Variants in MBP observed in about 807,000 individuals in gnomAD.
MBP encodes the protein Golli-MBP.
MBP carries 16 observed loss-of-function variants against 35.8 expected under a neutral mutation model. The observed-to-expected ratio is 0.45, with a 90% CI of 0.30 to 0.68. The LOEUF (loss-of-function observed/expected upper bound fraction) is 0.68, where lower values mean the gene tolerates loss of function less well. Ranked by LOEUF, MBP falls within the 30% of genes least tolerant of loss-of-function variation. The pLI, the probability that MBP is intolerant of heterozygous loss-of-function variation, is 0.08. For synonymous variants in MBP, 143 were observed against 159.6 expected, an observed-to-expected ratio of 0.90 and a Z score of 0.78; for missense variants, 380 against 404.7, an observed-to-expected ratio of 0.94 and a Z score of 0.52.
At chr18:76,993,535 G>C (rs1237629556) in intron 4 of MBP, among the ~76,000 whole-genome samples, 2 of 144,224 alleles carry the variant, frequency 1.4e-5, no homozygotes, top group African/African-American at 5.1e-5. Context: ...GGGCGACAGA[G>C]CGAGACTTTG....
intron 2 of MBP, among the ~76,000 whole-genome samples, chr18:77,092,832 C>G (rs1287910791): frequency 6.6e-6 from 1 of 152,308 alleles, no homozygotes; most frequent in East Asian, 1.9e-4. Flanking sequence ...CTCCCCTGAC[C>G]CCCGTTACAG....
chr18:76,985,241 C>T (rs768377832), intron 7 of MBP: 3 of 1,367,998 alleles, frequency 2.2e-6, no homozygotes, highest in South Asian at 2.3e-5. Context: ...GATTAGCAAA[C>T]ATCAAGCAAA....
intron 4 of MBP, chr18:77,004,808 C>T (rs1970837637): frequency 2.0e-5 from 3 of 152,334 alleles, no homozygotes; most frequent in South Asian, 4.1e-4. Flanking sequence ...GAAGGATCAG[C>T]GTTTCTCCTC....
Position 76,989,874 on chromosome 18 carries a change from A to G in MBP, c.681+82T>C. The stretch of plus-strand genomic sequence containing the variant: ...CCCGGTGCCACCCCCGAGCGTACGA[A>G]CGTCCTGTGTGGATGACAGCAGTGG... On this transcript the variant is annotated intron_variant, in intron 5 of 8. Coordinates refer to ENST00000355994, the MANE Select transcript of MBP (RefSeq NM_001025101.2). This position sits in a 1 kb window ranked among gnomAD's most constrained non-coding sequence, Gnocchi z 4.0. 2 of 1,256,432 alleles carry G rather than the reference A, an allele frequency of 1.6e-6. No individual in the cohort carries two copies. The highest frequency in any genetic ancestry group is 1.2e-6 in the Non-Finnish European group (1 of 858,866). 77.8% of individuals were successfully genotyped at this position (1,256,432 alleles called of 1,614,324 possible). A position where few individuals can be genotyped will look rare whatever the true frequency, so the allele number is the denominator to read the frequency against.
chr18:76,983,644 T>C (rs1969349274), intron 8 of MBP: 1 of 152,238 alleles, frequency 6.6e-6, no homozygotes, highest in Admixed American at 6.5e-5. Flanking sequence ...TACTCCCTGC[T>C]CACTTCACAT....
chr18:77,097,924 C>T (rs1213998926), intron 2 of MBP, among the ~76,000 whole-genome samples: 1 of 151,274 alleles, frequency 6.6e-6, no homozygotes. Flanking sequence ...TAAAAAAATA[C>T]AGTATTTAAA....
chr18:77,100,258 CAG>C lies in MBP; in HGVS notation c.51+4951_51+4952del, dbSNP rs565597601. Among the ~76,000 whole-genome samples, 302 of 152,292 alleles carry C rather than the reference CAG, an allele frequency of 2.0e-3. 1 individual carries two copies. Among genetic ancestry groups the C allele is most frequent in the African/African-American group, 7.0e-3 (291 of 41,560 alleles). On this transcript the variant is annotated intron_variant, in intron 2 of 8. Coordinates refer to ENST00000355994, the MANE Select transcript of MBP (RefSeq NM_001025101.2). ...ACAGAGAGACGACCACTGGAGGACA[CAG>C]AGAGAAGATGCTTTCTACAAGCCAA... is the stretch of plus-strand genomic sequence containing the variant.
At chr18:77,085,307 A>G (rs985396262) in intron 2 of MBP, among the ~76,000 whole-genome samples, 16 of 152,254 alleles carry the variant, frequency 1.1e-4, no homozygotes, top group African/African-American at 3.6e-4. Context: ...GCAATAGGTC[A>G]AATATACAAA....
chr18:77,096,891 AAAT>A (rs757940423), intron 2 of MBP, among the ~76,000 whole-genome samples: 9 of 152,250 alleles, frequency 5.9e-5, no homozygotes, highest in Non-Finnish European at 1.0e-4. Context: ...TGAGAAAAAG[AAAT>A]AATAAGGTTT....
In MBP at chr18:77,017,034, G is replaced by A; in HGVS notation, c.374C>T (p.Ala125Val). The A allele has an allele frequency of 1.2e-6, 2 of 1,614,146 alleles. No homozygotes were observed. Among genetic ancestry groups the A allele is most frequent in the Non-Finnish European group, 1.7e-6 (2 of 1,180,032 alleles). The change falls in exon 4 of 9, where the codon GCA becomes GTA. Residue 125 changes from alanine to valine, a missense_variant. Coordinates refer to ENST00000355994, the MANE Select transcript of MBP (RefSeq NM_001025101.2). ...CACATCCAGGCTCTCGGAGGTGGCT[G>A]CACTGTCTTCTTGGATGGTCTGGAG... ...DELQTIQEDS[A>V]ATSESLDVMA... is the part of the protein sequence containing the mutation.
At chr18:77,123,817 G>A (rs901572239) in intron 1 of MBP, among the ~76,000 whole-genome samples, 1 of 152,186 alleles carries the variant, frequency 6.6e-6, no homozygotes, top group African/African-American at 2.4e-5. Flanking sequence ...AACTGATCCA[G>A]GTAGCTTTGT....
intron 3 of MBP, 88 bp downstream of exon 3, chr18:77,066,210 A>G (rs748063376): frequency 3.3e-6 from 3 of 917,222 alleles, no homozygotes; most frequent in Non-Finnish European, 5.4e-6. Flanking sequence ...CACCCATGCA[A>G]TAAAAAAATC....
In MBP at chr18:77,101,474, C is replaced by T. The variant is rs139491601; in HGVS notation, c.51+3737G>A. Among the ~76,000 whole-genome samples, 153 of 152,286 alleles carry T rather than the reference C, an allele frequency of 1.0e-3. No individual in the cohort carries two copies. Among genetic ancestry groups the T allele is most frequent in the South Asian group, 4.4e-3 (21 of 4,824 alleles). On this transcript the variant is annotated intron_variant, in intron 2 of 8. Transcript: ENST00000355994. This position sits in a 1 kb window ranked among gnomAD's most constrained non-coding sequence, Gnocchi z 4.3. ...TGCCTGGAGGAAGTTACACTCCATC[C>T]GCATGAGTGAATCATGAGTCAGGAG...
rs1969510787 is a variant in MBP, at chr18:76,985,659, C to T, written c.751-765G>A. 7 of 1,054,390 alleles carry T rather than the reference C, an allele frequency of 6.6e-6. No individual in the cohort carries two copies. The African/African-American group carries it at 8.5e-5, about 13-fold the overall frequency. The allele number at this position is 1,054,390 out of a possible 1,614,324, so 65.3% of individuals were successfully genotyped here. A position where few individuals can be genotyped will look rare whatever the true frequency, so the allele number is the denominator to read the frequency against. On this transcript the variant is annotated intron_variant, in intron 7 of 8. Transcript: ENST00000355994. ...CCGCATCCTGGCAGCAGCGGGACAGCGTCTCAGCTCCCCCACCTCCCAGTC... is the reference window on the plus strand; with the variant it reads ...CCGCATCCTGGCAGCAGCGGGACAGTGTCTCAGCTCCCCCACCTCCCAGTC...
chr18:77,121,629 G>A (rs898777245), intron 1 of MBP, among the ~76,000 whole-genome samples: 1 of 152,202 alleles, frequency 6.6e-6, no homozygotes, highest in Non-Finnish European at 1.5e-5. Context: ...CAGAATAAAA[G>A]AGTCATCATC....
intron 2 of MBP, among the ~76,000 whole-genome samples, chr18:77,091,677 C>T (rs1048793241): frequency 3.3e-5 from 5 of 150,182 alleles, no homozygotes; most frequent in African/African-American, 1.2e-4. Flanking sequence ...CGTGAACACA[C>T]ATGTATACAC....
At chr18:77,086,000 G>A (rs1326842497) in intron 2 of MBP, among the ~76,000 whole-genome samples, 1 of 148,066 alleles carries the variant, frequency 6.8e-6, no homozygotes, top group African/African-American at 2.4e-5. Flanking sequence ...AATAAGGAGA[G>A]AGAGAGTGAC....
chr18:77,081,454 T>C lies in MBP; in HGVS notation c.52-15069A>G, dbSNP rs185482795. On this transcript the variant is annotated intron_variant, in intron 2 of 8. Coordinates refer to ENST00000355994, the MANE Select transcript of MBP (RefSeq NM_001025101.2). ...AATGACCAGTTAGCACATGAAAAAA[T>C]GCTCAACGTTATTACGCAGTAAGGA... Among the ~76,000 whole-genome samples, 294 of 152,110 alleles carry C rather than the reference T, an allele frequency of 1.9e-3. 2 individuals carry two copies. The highest frequency in any genetic ancestry group is 6.6e-3 in the African/African-American group (272 of 41,472).
chr18:77,084,410 C>CG (rs1208361027), intron 2 of MBP, among the ~76,000 whole-genome samples: 2 of 47,612 alleles, frequency 4.2e-5, no homozygotes, highest in African/African-American at 1.2e-4. Flanking sequence ...ATCACAACAC[C>CG]GCCCCCCCCG....
Sources: gnomAD v4.1 joint callset for allele counts (sites outside exome capture counted in the v4.1 genomes callset) on GRCh38, gnomAD v4.1.1 for gene constraint, Gnocchi (gnomAD v3.1) non-coding constraint, MANE v1.5 for transcripts, NCBI Gene and HGNC (gene_info 2026-07-23, HGNC 2026-07-21) for gene names.